The following PKHD1 variants were observed in gnomAD, a reference collection of about 807,000 sequenced individuals.
PKHD1 encodes fibrocystin.
A neutral mutation model predicts 412.0 loss-of-function variants in PKHD1; 291 were observed. The ratio of observed to expected loss-of-function variants is 0.71; its 90% CI spans 0.64 to 0.78. The LOEUF (loss-of-function observed/expected upper bound fraction) is 0.78, where lower values mean the gene tolerates loss of function less well. Ranked by LOEUF, PKHD1 falls within the 30% of genes least tolerant of loss-of-function variation. PKHD1 has a pLI of 0.00. For missense variants in PKHD1, 4,825 were observed against 4,950.7 expected, an observed-to-expected ratio of 0.97 and a Z score of 0.76; for synonymous variants, 1,777 against 1,821.5, an observed-to-expected ratio of 0.98 and a Z score of 0.62.
intron 59 of PKHD1, among the ~76,000 whole-genome samples, chr6:51,744,878 C>T (rs182944114): frequency 3.6e-4 from 55 of 152,006 alleles, no homozygotes; most frequent in African/African-American, 1.3e-3. Context: ...CAGGGGTTTG[C>T]AGTATTTTAG....
chr6:51,981,531 C>A (rs1359515165), intron 35 of PKHD1, among the ~76,000 whole-genome samples: 2 of 151,594 alleles, frequency 1.3e-5, no homozygotes, highest in Middle Eastern at 3.4e-3. Context: ...GTTGGCCGGG[C>A]TGGTCTCCAG....
In PKHD1 at chr6:51,935,672, C is replaced by A. The variant is rs189864568; in HGVS notation, c.5909-1350G>T. 3.9e-5 allele frequency among the ~76,000 whole-genome samples: 6 copies of A among 152,242 alleles called. No individual in the cohort carries two copies. In the East Asian group the frequency reaches 1.2e-3, roughly 29 times the overall value. On this transcript the variant is annotated intron_variant, in intron 36 of 66. Coordinates refer to ENST00000371117, the MANE Select transcript of PKHD1 (RefSeq NM_138694.4). Reference sequence around the variant, plus strand: ...ATGATTTGCTACCCAACCTCCAATACCTCTCTAATATCATTTTCTAAAGCT... The same window carrying A: ...ATGATTTGCTACCCAACCTCCAATAACTCTCTAATATCATTTTCTAAAGCT...
rs1488091488 is a variant in PKHD1 at position 51,659,835 on chromosome 6, C to A, written c.10291G>T (p.Val3431Leu). The change falls in exon 61 of 67, where the codon GTA becomes TTA. Residue 3431 changes from valine to leucine, a missense_variant. Coordinates refer to ENST00000371117, the MANE Select transcript of PKHD1 (RefSeq NM_138694.4). ...IWAIQKLYPV[V>L]SVTSGFVDVF... ...TCAACAAAACCACTAGTCACAGATA[C>A]AACTGGATATAACTTCTGAATTGCC... 8 of 1,613,736 alleles carry A rather than the reference C, an allele frequency of 5.0e-6. No individual in the cohort carries two copies. Among genetic ancestry groups the A allele is most frequent in the African/African-American group, 1.3e-5 (1 of 74,904 alleles).
chr6:51,728,271 T>C (rs527714223), intron 60 of PKHD1, among the ~76,000 whole-genome samples: 1 of 152,306 alleles, frequency 6.6e-6, no homozygotes, highest in African/African-American at 2.4e-5. Context: ...GGGTCTACGA[T>C]GGCAGCATCC....
intron 52 of PKHD1, among the ~76,000 whole-genome samples, chr6:51,818,508 C>T (rs1703766395): frequency 6.6e-6 from 1 of 152,152 alleles, no homozygotes; most frequent in South Asian, 2.1e-4. Flanking sequence ...TCTCTGAGCT[C>T]TTTCTTGGGC....
chr6:51,675,131 C>T (rs1303735830), intron 60 of PKHD1, among the ~76,000 whole-genome samples: 4 of 152,084 alleles, frequency 2.6e-5, no homozygotes, highest in Admixed American at 1.3e-4. Context: ...AAGCAGGGTT[C>T]CAGAGCCACC....
chr6:51,825,540 G>A (rs763117415), intron 52 of PKHD1, among the ~76,000 whole-genome samples: 2 of 152,026 alleles, frequency 1.3e-5, no homozygotes, highest in Non-Finnish European at 2.9e-5. Context: ...CAGCATCAAG[G>A]CCCAGCCATA....
chr6:51,862,302 C>T (rs897734014), intron 48 of PKHD1, among the ~76,000 whole-genome samples: 4 of 152,234 alleles, frequency 2.6e-5, no homozygotes, highest in African/African-American at 9.6e-5. Flanking sequence ...CAGCATACCA[C>T]TGCAACCTTT....
At chr6:52,079,725 A>G (rs1208397398) in intron 5 of PKHD1, among the ~76,000 whole-genome samples, 175 bp downstream of exon 5, 1 of 152,218 alleles carries the variant, frequency 6.6e-6, no homozygotes, top group Non-Finnish European at 1.5e-5. Context: ...CTGACATACA[A>G]ACGTTCAAAA....
At chr6:52,080,365 A>T (rs1437887185) in intron 4 of PKHD1, among the ~76,000 whole-genome samples, 1 of 152,224 alleles carries the variant, frequency 6.6e-6, no homozygotes, top group African/African-American at 2.4e-5. Context: ...ACTTATGTGT[A>T]TGAGCTTCAA....
intron 60 of PKHD1, among the ~76,000 whole-genome samples, chr6:51,683,960 T>C (rs2150579605): frequency 6.6e-6 from 1 of 152,160 alleles, no homozygotes; most frequent in Middle Eastern, 3.4e-3. Context: ...AGTACAGATA[T>C]CAGCCTTATT....
intron 61 of PKHD1, among the ~76,000 whole-genome samples, chr6:51,650,701 G>A (rs9474037): frequency 0.044 from 6,725 of 152,080 alleles, 530 homozygotes; most frequent in African/African-American, 0.15. Flanking sequence ...GGAATCCTAG[G>A]AAATGCGGGC....
intron 50 of PKHD1, among the ~76,000 whole-genome samples, chr6:51,845,338 A>C (rs1770951935): frequency 6.6e-6 from 1 of 152,256 alleles, no homozygotes; most frequent in Admixed American, 6.5e-5. Flanking sequence ...CTGAGTCCTC[A>C]TACCATCACT....
At chr6:51,955,415 GC>G (rs1239977581) in intron 36 of PKHD1, among the ~76,000 whole-genome samples, 1 of 151,852 alleles carries the variant, frequency 6.6e-6, no homozygotes, top group Non-Finnish European at 1.5e-5. Context: ...CTTCTCAATT[GC>G]CCCCCAAAAA....
Position 52,027,822 on chromosome 6 carries a change from C to A in PKHD1, c.3628+7G>T. Reference sequence around the variant, plus strand: ...TAATTGATAACAGTCACATAAGAGCCACTCACCCAGCAGGGACCCACAGCA... The same window carrying A: ...TAATTGATAACAGTCACATAAGAGCAACTCACCCAGCAGGGACCCACAGCA... On this transcript the variant is annotated splice_region_variant and intron_variant, in intron 31 of 66. Transcript: ENST00000371117. 6.3e-7 allele frequency: 1 copy of A among 1,597,474 alleles called. No individual in the cohort carries two copies. The highest frequency in any genetic ancestry group is 1.3e-5 in the African/African-American group (1 of 74,636).
chr6:51,867,759 C>T, intron 48 of PKHD1, 104 bp downstream of exon 48: 3 of 1,089,464 alleles, frequency 2.8e-6, no homozygotes, highest in South Asian at 1.3e-5. Context: ...GAGCTAAATA[C>T]TTCAAATAAT....
At chr6:51,769,810 C>T (rs11756149) in intron 55 of PKHD1, among the ~76,000 whole-genome samples, 27,820 of 151,146 alleles carry the variant, frequency 0.18, 3,321 homozygotes, top group African/African-American at 0.34. Flanking sequence ...ATGACATGTT[C>T]TATAATATCT....
chr6:51,668,724 A>G (rs1161826439), intron 60 of PKHD1, among the ~76,000 whole-genome samples: 1 of 152,220 alleles, frequency 6.6e-6, no homozygotes, highest in Non-Finnish European at 1.5e-5. Flanking sequence ...CGTCCCATCA[A>G]TACCTAATTT....
At chr6:51,734,100 T>A (rs1384591320) in intron 60 of PKHD1, among the ~76,000 whole-genome samples, 1 of 152,248 alleles carries the variant, frequency 6.6e-6, no homozygotes, top group African/African-American at 2.4e-5. Context: ...CAAGGGACCC[T>A]AATGTGTAGT....
Sources: gnomAD v4.1 joint callset for allele counts (sites outside exome capture counted in the v4.1 genomes callset) on GRCh38, gnomAD v4.1.1 for gene constraint, MANE v1.5 for transcripts, NCBI Gene and HGNC (gene_info 2026-07-23, HGNC 2026-07-21) for gene names.